The following RBFOX1 variants were observed in gnomAD, a reference collection of about 807,000 sequenced individuals.
RBFOX1 encodes the protein RNA binding fox-1 homolog 1.
A neutral mutation model predicts 57.7 loss-of-function variants in RBFOX1; 8 were observed. The observed-to-expected ratio is 0.14, with a 90% CI of 0.08 to 0.25. RBFOX1 has a LOEUF of 0.25. Ranked by LOEUF, RBFOX1 falls within the 10% of genes least tolerant of loss-of-function variation. The pLI, the probability that RBFOX1 is intolerant of heterozygous loss-of-function variation, is 1.00. For missense variants in RBFOX1, 611 were observed against 548.5 expected, an observed-to-expected ratio of 1.11 and a Z score of -1.14; for synonymous variants, 326 against 222.4, an observed-to-expected ratio of 1.47 and a Z score of -4.15.
chr16:5,841,115 G>A (rs190231055), intron 3 of RBFOX1, among the ~76,000 whole-genome samples: 1 of 152,162 alleles, frequency 6.6e-6, no homozygotes, highest in Non-Finnish European at 1.5e-5. Flanking sequence ...TCGATTGAGT[G>A]ATTTCCTGGC....
chr16:7,324,975 G>C (rs1412515906), intron 4 of RBFOX1, among the ~76,000 whole-genome samples: 3 of 152,108 alleles, frequency 2.0e-5, no homozygotes, highest in Non-Finnish European at 2.9e-5. Context: ...GTTAATTCCT[G>C]GGTCTTAGTT....
At chr16:5,811,801 T>G (rs932750451) in intron 3 of RBFOX1, among the ~76,000 whole-genome samples, 2 of 152,198 alleles carry the variant, frequency 1.3e-5, no homozygotes, top group East Asian at 3.9e-4. Flanking sequence ...TGCTATAATA[T>G]TCACCTATTG....
At chr16:7,194,663 C>T (rs976584511) in intron 4 of RBFOX1, among the ~76,000 whole-genome samples, 2 of 152,130 alleles carry the variant, frequency 1.3e-5, no homozygotes, top group African/African-American at 4.8e-5. Context: ...CACAGTGGCT[C>T]ATGTCTGTAA....
intron 4 of RBFOX1, among the ~76,000 whole-genome samples, chr16:5,887,811 C>T (rs1303860906): frequency 6.6e-6 from 1 of 152,158 alleles, no homozygotes; most frequent in East Asian, 1.9e-4. Context: ...GAATTCTGAG[C>T]AGTCTTAGTT....
At chr16:5,469,590 C>A (rs1476510422) in intron 2 of RBFOX1, among the ~76,000 whole-genome samples, 1 of 152,140 alleles carries the variant, frequency 6.6e-6, no homozygotes, top group Non-Finnish European at 1.5e-5. Flanking sequence ...TGCGGTGCCA[C>A]CATACCTTCA....
At chr16:6,795,656 C>T (rs372758629) in intron 3 of RBFOX1, among the ~76,000 whole-genome samples, 31 of 151,820 alleles carry the variant, frequency 2.0e-4, no homozygotes, top group African/African-American at 7.5e-4. Context: ...ATCCCAGCTA[C>T]TTGGGAGGCT....
At chr16:7,304,476 C>G (rs1183749847) in intron 4 of RBFOX1, 22 of 985,176 alleles carry the variant, frequency 2.2e-5, no homozygotes, top group Non-Finnish European at 2.5e-5. Flanking sequence ...CTTTTATGTA[C>G]TTACAGCAGG....
chr16:5,263,549 G>T (rs2062787389), intron 1 of RBFOX1, among the ~76,000 whole-genome samples: 1 of 152,192 alleles, frequency 6.6e-6, no homozygotes, highest in Admixed American at 6.5e-5. Context: ...TGAGTGAAAT[G>T]AGGAGTGAAG....
intron 4 of RBFOX1, among the ~76,000 whole-genome samples, chr16:7,254,108 A>G (rs1004115825): frequency 1.1e-4 from 17 of 152,106 alleles, no homozygotes; most frequent in Non-Finnish European, 2.4e-4. Context: ...TCCACCTGTT[A>G]TTTTAATTCT....
At chr16:5,684,889 C>T (rs777817084) in intron 3 of RBFOX1, among the ~76,000 whole-genome samples, 7 of 152,110 alleles carry the variant, frequency 4.6e-5, no homozygotes, top group Admixed American at 2.6e-4. Context: ...GAATGCTGCA[C>T]TTGAGTTCCA....
intron 3 of RBFOX1, among the ~76,000 whole-genome samples, chr16:6,825,822 G>T (rs904569399): frequency 1.3e-5 from 2 of 152,196 alleles, no homozygotes; most frequent in Non-Finnish European, 2.9e-5. Context: ...ATCCTGCACA[G>T]GAACTTGCAT....
Position 6,780,396 on chromosome 16 carries a change from ATT to A in RBFOX1, c.-16+125750_-16+125751del, listed in dbSNP as rs1290225897. On this transcript the variant is annotated intron_variant, in intron 3 of 15. Coordinates refer to ENST00000550418, the MANE Select transcript of RBFOX1 (RefSeq NM_018723.4). ...AGATATATTTATACATATTATATAT[ATT>A]TTTATATATATTTATATATATTTAT... is the stretch of plus-strand genomic sequence containing the variant. Among the ~76,000 whole-genome samples the A allele has an allele frequency of 1.8e-4, 16 of 87,526 alleles. 1 individual carries two copies. Among genetic ancestry groups the A allele is most frequent in the East Asian group, 1.0e-3 (2 of 1,910 alleles). 57.4% of individuals were successfully genotyped at this position (87,526 alleles called of 152,430 possible). A position where few individuals can be genotyped will look rare whatever the true frequency, so the allele number is the denominator to read the frequency against.
intron 2 of RBFOX1, among the ~76,000 whole-genome samples, chr16:6,547,689 C>G (rs1478934549): frequency 2.0e-5 from 3 of 151,962 alleles, no homozygotes; most frequent in Non-Finnish European, 2.9e-5. Flanking sequence ...AATAAGATAG[C>G]TGATCTTTGT....
At chr16:7,104,201 C>G (rs1439448074) in intron 4 of RBFOX1, among the ~76,000 whole-genome samples, 1 of 152,104 alleles carries the variant, frequency 6.6e-6, no homozygotes, top group African/African-American at 2.4e-5. Flanking sequence ...TTGCTAGTGA[C>G]TGCTGTCTGG....
In RBFOX1 at chr16:5,302,721, G is replaced by T. The variant is rs144242728; in HGVS notation, c.219+62616G>T. ...TGCTCTTTGTCTTGAGGTTTATTTT[G>T]TCTGATATTATTCATGCCAAACCAG... On this transcript the variant is annotated intron_variant, in intron 1 of 2. Transcript: ENST00000585867. Among the ~76,000 whole-genome samples, 172 of 152,166 alleles carry T rather than the reference G, an allele frequency of 1.1e-3. 6 individuals carry two copies. The East Asian group carries it at 0.03, about 26-fold the overall frequency.
chr16:5,390,489 G>T (rs494713), intron 1 of RBFOX1, among the ~76,000 whole-genome samples: 1 of 151,884 alleles, frequency 6.6e-6, no homozygotes. Context: ...GGGTTTCACC[G>T]TGTTGGCCAG....
chr16:7,017,528 A>T (rs571232173), intron 3 of RBFOX1, among the ~76,000 whole-genome samples: 6 of 152,292 alleles, frequency 3.9e-5, no homozygotes, highest in African/African-American at 1.4e-4. Context: ...CGTTTGGAAG[A>T]AGCCAACGGA....
At chr16:6,124,543 C>T (rs1482001995) in intron 1 of RBFOX1, among the ~76,000 whole-genome samples, 1 of 152,060 alleles carries the variant, frequency 6.6e-6, no homozygotes, top group Admixed American at 6.5e-5. Flanking sequence ...CCCTCTGTTG[C>T]CCAGACTGGG....
chr16:6,944,731 A>T (rs367927699), intron 3 of RBFOX1, among the ~76,000 whole-genome samples: 95 of 152,278 alleles, frequency 6.2e-4, no homozygotes, highest in African/African-American at 1.3e-3. Context: ...CTGCCCCTTG[A>T]CATACATGGA....
Sources: allele counts gnomAD v4.1 joint callset (sites outside exome capture counted in the v4.1 genomes callset), GRCh38; gene constraint gnomAD v4.1.1; transcripts MANE v1.5; gene names NCBI Gene and HGNC (gene_info 2026-07-23, HGNC 2026-07-21).